The following JAKMIP1 variants were observed in gnomAD, a reference collection of about 807,000 sequenced individuals.
JAKMIP1 encodes janus kinase and microtubule interacting protein 1.
In JAKMIP1, 33 loss-of-function variants were observed where a neutral mutation model predicts 113.0. The observed-to-expected ratio is 0.29, with a 90% CI of 0.22 to 0.39. The LOEUF is 0.39. Among genes scored for constraint, JAKMIP1 ranks in the 10% least tolerant of loss-of-function variants. The pLI is 1.00. For missense variants in JAKMIP1, 813 were observed against 1,080.5 expected (o/e 0.75, Z 3.47); for synonymous variants, 480 against 459.9 (o/e 1.04, Z -0.56).
At chr4:6,071,711 C>A (rs1257087640) in intron 8 of JAKMIP1, among the ~76,000 whole-genome samples, 2 of 152,228 alleles carry the variant, frequency 1.3e-5, no homozygotes, top group Non-Finnish European at 2.9e-5. Flanking sequence ...AGCTGCAGCT[C>A]CTCTGGCGGT....
Position 6,069,912 on chromosome 4 carries a change from C to T in JAKMIP1, c.1303-4904G>A. 5.0e-6 allele frequency: 2 copies of T among 396,194 alleles called. No individual in the cohort carries two copies. Among genetic ancestry groups the T allele is most frequent in the East Asian group, 7.1e-5 (2 of 27,980 alleles). 24.5% of individuals were successfully genotyped at this position (396,194 alleles called of 1,614,324 possible). ...CCCCCAAAACAAATAGCCCCCCAACCAGATCCAGTCTCTCTCAGCCACCTG... is the reference window on the plus strand; with the variant it reads ...CCCCCAAAACAAATAGCCCCCCAACTAGATCCAGTCTCTCTCAGCCACCTG... On this transcript the variant is annotated intron_variant, in intron 8 of 20. Coordinates refer to ENST00000409021, the MANE Select transcript of JAKMIP1 (RefSeq NM_001099433.2). The surrounding 1 kb of genome is among the most constrained non-coding windows in gnomAD (Gnocchi z 4.5).
At chr4:6,126,133 A>AC (rs1717526322) in intron 1 of JAKMIP1, among the ~76,000 whole-genome samples, 1 of 147,622 alleles carries the variant, frequency 6.8e-6, no homozygotes, top group African/African-American at 2.5e-5. Flanking sequence ...AGAAACACAC[A>AC]AACACAAACA....
Position 6,050,626 on chromosome 4 carries a change from C to T in JAKMIP1, c.1860G>A (p.Glu620=). 6.3e-7 allele frequency: 1 copy of T among 1,577,054 alleles called. No individual in the cohort carries two copies. The highest frequency in any genetic ancestry group is 8.6e-7 in the Non-Finnish European group (1 of 1,160,824). Residue 620 remains glutamate, a synonymous_variant, in exon 14 of 21, where the codon GAG becomes GAA. Transcript: ENST00000409021. This position sits in a 1 kb window ranked among gnomAD's most constrained non-coding sequence, Gnocchi z 7.4. Reference sequence around the variant, plus strand: ...ACAGCTGGAGAGCGCTGCTGTGGTTCTCGGGGAAGGTGGTGATTTGGAGGT... The same window carrying T: ...ACAGCTGGAGAGCGCTGCTGTGGTTTTCGGGGAAGGTGGTGATTTGGAGGT... ...AFNLQITTFP[E]NHSSALQLFC... is the part of the protein sequence containing the mutation.
At chr4:6,132,281 T>TA (rs890073208) in intron 1 of JAKMIP1, among the ~76,000 whole-genome samples, 1 of 152,130 alleles carries the variant, frequency 6.6e-6, no homozygotes, top group East Asian at 1.9e-4. Flanking sequence ...GGGTGACTAC[T>TA]AAAAAAAGTT....
At chr4:6,165,024 A>G (rs1248177200) in intron 1 of JAKMIP1, among the ~76,000 whole-genome samples, 1 of 152,218 alleles carries the variant, frequency 6.6e-6, no homozygotes, top group Non-Finnish European at 1.5e-5. Flanking sequence ...ATTGACTCCA[A>G]TTTTGAAAGA....
Position 6,086,911 on chromosome 4 carries a change from C to T in JAKMIP1, c.625-1282G>A, listed in dbSNP as rs1721386690. On this transcript the variant is annotated intron_variant, in intron 3 of 20. Coordinates refer to ENST00000409021, the MANE Select transcript of JAKMIP1 (RefSeq NM_001099433.2). This position sits in a 1 kb window ranked among gnomAD's most constrained non-coding sequence, Gnocchi z 4.1. ...ACTCAAGGTCAGCCAGCAACACCAG[C>T]ATCAGGAAGAGGCTGGGAAAGATCC... Among the ~76,000 whole-genome samples, 1 of 152,114 alleles carries T rather than the reference C, an allele frequency of 6.6e-6. No homozygotes were observed. The highest frequency in any genetic ancestry group is 6.5e-5 in the Admixed American group (1 of 15,286).
chr4:6,181,552 G>A lies in JAKMIP1; in HGVS notation c.-148+18701C>T, dbSNP rs1349233351. Among the ~76,000 whole-genome samples, 1 of 152,218 alleles carries A rather than the reference G, an allele frequency of 6.6e-6. No homozygotes were observed. Among genetic ancestry groups the A allele is most frequent in the Non-Finnish European group, 1.5e-5 (1 of 68,046 alleles). ...TGTAACAAGCCCAGGTGATAACTGGGAGACCAGGGCCTATGGGTGCCAGCG... is the reference window on the plus strand; with the variant it reads ...TGTAACAAGCCCAGGTGATAACTGGAAGACCAGGGCCTATGGGTGCCAGCG... On this transcript the variant is annotated intron_variant, in intron 1 of 20. Transcript: ENST00000409021. This position sits in a 1 kb window ranked among gnomAD's most constrained non-coding sequence, Gnocchi z 5.4.
intron 10 of JAKMIP1, 61 bp downstream of exon 10, chr4:6,062,251 A>C: frequency 6.3e-7 from 1 of 1,584,760 alleles, no homozygotes; most frequent in Non-Finnish European, 8.6e-7. Flanking sequence ...CACTTCTGGA[A>C]AGGACCTACA....
intron 1 of JAKMIP1, among the ~76,000 whole-genome samples, chr4:6,117,237 G>A (rs532185197): frequency 1.4e-3 from 218 of 152,240 alleles, no homozygotes; most frequent in Non-Finnish European, 2.1e-3. Context: ...AATCACGTAG[G>A]TTCTTTTCTA....
Position 6,168,091 on chromosome 4 carries a change from G to A in JAKMIP1, c.-148+32162C>T, listed in dbSNP as rs140743943. 1.5e-3 allele frequency among the ~76,000 whole-genome samples: 223 copies of A among 152,258 alleles called. 2 individuals carry two copies. In the East Asian group the frequency reaches 0.031, roughly 21 times the overall value. The stretch of plus-strand genomic sequence containing the variant: ...ATACCAATCAAAACCGCAGTGAGAC[G>A]GCACCACACACCACCCAGGACGGCT... On this transcript the variant is annotated intron_variant, in intron 1 of 20. Transcript: ENST00000409021. This position sits in a 1 kb window ranked among gnomAD's most constrained non-coding sequence, Gnocchi z 4.6.
chr4:6,109,946 C>T (rs1459604920), intron 2 of JAKMIP1, among the ~76,000 whole-genome samples: 2 of 151,508 alleles, frequency 1.3e-5, no homozygotes, highest in Non-Finnish European at 2.9e-5. Context: ...ACATGGATGG[C>T]TGGATTGAGA....
chr4:6,173,664 A>G (rs1046942204), intron 1 of JAKMIP1, among the ~76,000 whole-genome samples: 1 of 152,214 alleles, frequency 6.6e-6, no homozygotes, highest in Non-Finnish European at 1.5e-5. Flanking sequence ...TTTTCTATCT[A>G]TAAGGATAGA....
At chr4:6,041,489 T>A (rs990599581) in intron 17 of JAKMIP1, among the ~76,000 whole-genome samples, 8 of 152,170 alleles carry the variant, frequency 5.3e-5, no homozygotes, top group African/African-American at 1.9e-4. Flanking sequence ...AGAACTCGAA[T>A]TGGCCTTTGA....
At chr4:6,090,122 T>A (rs558003240) in intron 3 of JAKMIP1, among the ~76,000 whole-genome samples, 1 of 151,802 alleles carries the variant, frequency 6.6e-6, no homozygotes, top group East Asian at 1.9e-4. Context: ...TTAGGGAGGC[T>A]GAGGCAGGAG....
intron 1 of JAKMIP1, among the ~76,000 whole-genome samples, chr4:6,170,908 CACCGCCACCACCTTTCTT>C: frequency 6.6e-6 from 1 of 151,320 alleles, no homozygotes; most frequent in East Asian, 2.0e-4. Context: ...CCATCACCAT[CACCGCCACCACCTTTCTT>C]ACCATCACCA....
At chr4:6,056,674 T>C (rs1378326688) in intron 12 of JAKMIP1, 23 bp downstream of exon 12, 10 of 1,603,958 alleles carry the variant, frequency 6.2e-6, no homozygotes, top group African/African-American at 1.3e-5. Context: ...GGCTGTGTGC[T>C]TCCCTGAGGT....
chr4:6,107,583 C>A (rs1714170142), intron 2 of JAKMIP1, among the ~76,000 whole-genome samples: 1 of 152,170 alleles, frequency 6.6e-6, no homozygotes, highest in Non-Finnish European at 1.5e-5. Flanking sequence ...ACCGAGGTCC[C>A]CTGCGGAAGA....
chr4:6,109,314 TA>T (rs1714506088), intron 2 of JAKMIP1, among the ~76,000 whole-genome samples: 2 of 151,820 alleles, frequency 1.3e-5, no homozygotes, highest in Admixed American at 6.6e-5. Context: ...TTTATATTTT[TA>T]GTAGAGACAG....
At chr4:6,026,379 G>T in intron 20 of JAKMIP1, 101 bp from the exon 21 acceptor site, 1 of 670,804 alleles carries the variant, frequency 1.5e-6, no homozygotes, top group African/African-American at 1.8e-5. Flanking sequence ...CATTTTACAA[G>T]AACTAGGACA....
Sources: gnomAD v4.1 joint callset for allele counts (sites outside exome capture counted in the v4.1 genomes callset) on GRCh38, gnomAD v4.1.1 for gene constraint, Gnocchi (gnomAD v3.1) non-coding constraint, MANE v1.5 for transcripts, NCBI Gene and HGNC (gene_info 2026-07-23, HGNC 2026-07-21) for gene names.